Variants in EML1 observed in about 807,000 individuals in gnomAD.
EML1 encodes echinoderm microtubule-associated protein-like 1.
A neutral mutation model predicts 110.4 loss-of-function variants in EML1; 27 were observed. That is an observed-to-expected ratio of 0.24 (90% confidence interval 0.18 to 0.34). The LOEUF is 0.34. EML1 is among the 10% of genes least tolerant of loss of function. EML1 has a pLI of 1.00. For missense variants in EML1, 741 were observed against 1,030.9 expected, an observed-to-expected ratio of 0.72 and a Z score of 3.85; for synonymous variants, 344 against 385.8, an observed-to-expected ratio of 0.89 and a Z score of 1.27.
rs543025332 is a variant in EML1, at chr14:99,744,970, C to T, written c.28+7110C>T. On this transcript the variant is annotated intron_variant, in intron 1 of 10. Coordinates refer to the EML1 transcript ENST00000554479. The stretch of plus-strand genomic sequence containing the variant: ...ATACTGGGGGAAATGATGAGAAGAG[C>T]GTGTTTTCTTCACTCTAATACAGAT... 4.6e-5 allele frequency among the ~76,000 whole-genome samples: 7 copies of T among 152,264 alleles called. No homozygotes were observed. In the South Asian group the frequency reaches 1.2e-3, roughly 27 times the overall value.
At chr14:99,780,888 T>C (rs1386530011) in intron 1 of EML1, among the ~76,000 whole-genome samples, 2 of 152,166 alleles carry the variant, frequency 1.3e-5, no homozygotes, top group East Asian at 3.8e-4. Flanking sequence ...GTAAGTGCAC[T>C]CTACGATGCT....
At chr14:99,895,443 T>G (rs1051668103) in intron 6 of EML1, among the ~76,000 whole-genome samples, 2 of 152,156 alleles carry the variant, frequency 1.3e-5, no homozygotes, top group African/African-American at 4.8e-5. Flanking sequence ...AACTAGGCAC[T>G]CTCTATATTT....
chr14:99,755,371 G>A (rs1254796747), intron 1 of EML1, among the ~76,000 whole-genome samples: 1 of 152,222 alleles, frequency 6.6e-6, no homozygotes, highest in Non-Finnish European at 1.5e-5. Flanking sequence ...CTGTGTCAGC[G>A]TCACTTTGAA....
chr14:99,848,960 C>CA (rs35648071), intron 1 of EML1, among the ~76,000 whole-genome samples: 216 of 135,244 alleles, frequency 1.6e-3, no homozygotes, highest in African/African-American at 3.4e-3. Context: ...AAGACCCTGT[C>CA]AAAAAAAAAA....
chr14:99,879,550 T>C (rs1318711461), intron 4 of EML1, among the ~76,000 whole-genome samples: 1 of 152,212 alleles, frequency 6.6e-6, no homozygotes, highest in African/African-American at 2.4e-5. Context: ...TTCAGTCCTA[T>C]AAAGGAAGCT....
At chr14:99,858,641 A>G (rs2058947534) in intron 2 of EML1, among the ~76,000 whole-genome samples, 1 of 152,204 alleles carries the variant, frequency 6.6e-6, no homozygotes, top group South Asian at 2.1e-4. Context: ...TCTTTAGGAC[A>G]GGTGCCTAGA....
In EML1 at chr14:99,876,551, C is replaced by T. The variant is rs372443893; in HGVS notation, c.384-1934C>T. Among the ~76,000 whole-genome samples, 16 of 152,346 alleles carry T rather than the reference C, an allele frequency of 1.1e-4. No individual in the cohort carries two copies. In the South Asian group the frequency reaches 3.1e-3, roughly 30 times the overall value. On this transcript the variant is annotated intron_variant, in intron 3 of 21. Coordinates refer to ENST00000262233, the MANE Select transcript of EML1 (RefSeq NM_004434.3). ...TTTAAACATTAGTTTCCCCAGGGCTCTTCTGTCCTTGGTCACCTCCTCCCT... is the reference window on the plus strand; with the variant it reads ...TTTAAACATTAGTTTCCCCAGGGCTTTTCTGTCCTTGGTCACCTCCTCCCT...
intron 6 of EML1, among the ~76,000 whole-genome samples, chr14:99,895,455 T>C (rs888915263): frequency 6.6e-6 from 1 of 152,174 alleles, no homozygotes; most frequent in Non-Finnish European, 1.5e-5. Flanking sequence ...TCTATATTTA[T>C]AAGGAAACAA....
Position 99,909,917 on chromosome 14 carries a change from C to T in EML1, c.1240-325C>T, listed in dbSNP as rs1026327121. 9.2e-5 allele frequency among the ~76,000 whole-genome samples: 14 copies of T among 152,126 alleles called. No individual in the cohort carries two copies. In the East Asian group the frequency reaches 1.9e-3, roughly 21 times the overall value. On this transcript the variant is annotated intron_variant, in intron 11 of 21. Coordinates refer to ENST00000262233, the MANE Select transcript of EML1 (RefSeq NM_004434.3). The stretch of plus-strand genomic sequence containing the variant: ...TCGAGGACCCCTTTATTCTGGTGCT[C>T]GGACCCTGCCCTTTAGGCTGACAGC...
rs1248981234 is a variant in EML1 at position 99,900,487 on chromosome 14, TG to T, written c.898-441del. On this transcript the variant is annotated intron_variant, in intron 8 of 21. Coordinates refer to ENST00000262233, the MANE Select transcript of EML1 (RefSeq NM_004434.3). ...CAGGCGTGAGCCACCACACCTGGTC[TG>T]TTAAGCTCTTAATATTATTTGGTGG... is the stretch of plus-strand genomic sequence containing the variant. Among the ~76,000 whole-genome samples, 5 of 152,312 alleles carry T rather than the reference TG, an allele frequency of 3.3e-5. No homozygotes were observed. In the East Asian group the frequency reaches 9.7e-4, roughly 29 times the overall value.
At chr14:99,929,774 C>T (rs760967667) in intron 17 of EML1, among the ~76,000 whole-genome samples, 5 of 152,282 alleles carry the variant, frequency 3.3e-5, no homozygotes, top group Admixed American at 3.3e-4. Flanking sequence ...TTTCAGAAAC[C>T]TGCTGCCAAG....
In EML1 at chr14:99,911,530, A is replaced by G. The variant is rs776208215; in HGVS notation, c.1448A>G (p.Lys483Arg). ...GTGTCGGGAGGTGGGAAAGACCGAA[A>G]GCTCATTTCTTGGAGCGGAAACTAT... ...TLVSGGGKDR[K>R]LISWSGNYQK... The change falls in exon 13 of 22, where the codon AAG becomes AGG. Residue 483 changes from lysine (K) to arginine (R), a missense_variant. Around this residue, in one of 4 missense-constraint regions of EML1, gnomAD observed 388 missense variants for 605.6 expected, o/e 0.64. Coordinates refer to ENST00000262233, the MANE Select transcript of EML1 (RefSeq NM_004434.3). The G allele has an allele frequency of 1.2e-6, 2 of 1,612,892 alleles. No homozygotes were observed.
intron 1 of EML1, among the ~76,000 whole-genome samples, chr14:99,774,459 A>G (rs181404153): frequency 2.9e-4 from 44 of 152,192 alleles, no homozygotes; most frequent in African/African-American, 9.6e-4. Context: ...CCTATCCTCC[A>G]TGCCTCCCGA....
At chr14:99,916,943 A>G (rs899009447) in intron 15 of EML1, among the ~76,000 whole-genome samples, 3 of 152,014 alleles carry the variant, frequency 2.0e-5, no homozygotes, top group African/African-American at 7.3e-5. Context: ...GGATCATTCC[A>G]TCTTGTATCC....
At chr14:99,906,692 T>C (rs899609282) in intron 9 of EML1, among the ~76,000 whole-genome samples, 2 of 152,184 alleles carry the variant, frequency 1.3e-5, no homozygotes, top group Non-Finnish European at 2.9e-5. Context: ...TCAGCCTTAT[T>C]TTACCCATCC....
chr14:99,813,834 GTTTAGACAAGCTGAATATTTA>G (rs925719761), intron 1 of EML1, among the ~76,000 whole-genome samples: 2 of 152,150 alleles, frequency 1.3e-5, no homozygotes, highest in Admixed American at 1.3e-4. Context: ...TGAGACTTGA[GTTTAGACAAGCTGAATATTTA>G]TTTTTATGCT....
Position 99,835,066 on chromosome 14 carries a change from C to A in EML1, c.68-15787C>A, listed in dbSNP as rs147665232. 2.4e-3 allele frequency among the ~76,000 whole-genome samples: 364 copies of A among 151,988 alleles called. 8 individuals are homozygous for A. In the East Asian group the frequency reaches 0.061, roughly 26 times the overall value. ...CAAACTCCTGAGCTCAAGCAATCCA[C>A]CTGCCTCAGCCTCCCAAAGTGCTGG... On this transcript the variant is annotated intron_variant, in intron 1 of 21. Transcript: ENST00000262233.
chr14:99,745,074 C>CA (rs2057089891), intron 1 of EML1, among the ~76,000 whole-genome samples: 1 of 149,502 alleles, frequency 6.7e-6, no homozygotes, highest in African/African-American at 2.5e-5. Flanking sequence ...TCCCAGTTGA[C>CA]TTTTTTTTTT....
At chr14:99,759,332 G>T (rs567561600) in intron 1 of EML1, among the ~76,000 whole-genome samples, 3 of 152,238 alleles carry the variant, frequency 2.0e-5, no homozygotes, top group Non-Finnish European at 4.4e-5. Flanking sequence ...GGTGAGTTCT[G>T]CATGGCCCGC....
Sources: gnomAD v4.1 joint callset for allele counts (sites outside exome capture counted in the v4.1 genomes callset) on GRCh38, gnomAD v4.1.1 for gene constraint, gnomAD v4.1.1 regional missense constraint, MANE v1.5 for transcripts, NCBI Gene and HGNC (gene_info 2026-07-23, HGNC 2026-07-21) for gene names.